Variants in OPCML observed in about 807,000 individuals in gnomAD.
The protein encoded by OPCML is opioid-binding protein/cell adhesion molecule.
In OPCML, 13 loss-of-function variants were observed where a neutral mutation model predicts 37.8. The ratio of observed to expected loss-of-function variants is 0.34; its 90% CI spans 0.22 to 0.55. The LOEUF (loss-of-function observed/expected upper bound fraction) is 0.55, where lower values mean the gene tolerates loss of function less well. Among genes scored for constraint, OPCML ranks in the 20% least tolerant of loss-of-function variants. The pLI, the probability that OPCML is intolerant of heterozygous loss-of-function variation, is 0.91. For synonymous variants in OPCML, 176 were observed against 168.8 expected (o/e 1.04, Z -0.33); for missense variants, 341 against 435.6 (o/e 0.78, Z 1.93).
intron 2 of OPCML, among the ~76,000 whole-genome samples, chr11:132,938,281 T>C (rs554966551): frequency 2.6e-5 from 4 of 151,656 alleles, no homozygotes; most frequent in African/African-American, 4.8e-5. Flanking sequence ...TAACCACACA[T>C]GAAAAAATAA....
intron 1 of OPCML, chr11:133,420,415 A>G (rs966917821): frequency 1.0e-6 from 1 of 985,308 alleles, no homozygotes; most frequent in African/African-American, 1.7e-5. Context: ...TGTTCAATGC[A>G]GTATATCAGT....
At chr11:132,938,061 G>A (rs1282512987) in intron 2 of OPCML, among the ~76,000 whole-genome samples, 2 of 151,864 alleles carry the variant, frequency 1.3e-5, no homozygotes, top group African/African-American at 4.8e-5. Flanking sequence ...GAATATCCCA[G>A]GATCATATTT....
intron 1 of OPCML, among the ~76,000 whole-genome samples, chr11:133,110,014 C>A (rs1163630111): frequency 6.6e-6 from 1 of 152,148 alleles, no homozygotes; most frequent in Non-Finnish European, 1.5e-5. Flanking sequence ...TTTTGTTCGA[C>A]AGGACTTGGG....
chr11:132,968,833 T>C (rs1215239744), intron 1 of OPCML, among the ~76,000 whole-genome samples: 2 of 152,134 alleles, frequency 1.3e-5, no homozygotes, highest in East Asian at 1.9e-4. Flanking sequence ...AGCAAACAGA[T>C]TTACTTCCTC....
At chr11:132,729,150 T>C (rs1944987181) in intron 2 of OPCML, among the ~76,000 whole-genome samples, 1 of 152,102 alleles carries the variant, frequency 6.6e-6, no homozygotes, top group African/African-American at 2.4e-5. Flanking sequence ...AAGATGAGAG[T>C]AAAAATGAAC....
intron 1 of OPCML, among the ~76,000 whole-genome samples, chr11:133,476,455 C>T (rs1369995127): frequency 6.6e-6 from 1 of 151,772 alleles, no homozygotes; most frequent in Non-Finnish European, 1.5e-5. Context: ...TGAAAATGGG[C>T]TCAATTGCAC....
chr11:133,471,878 C>T (rs1463794303), intron 1 of OPCML, among the ~76,000 whole-genome samples: 1 of 152,162 alleles, frequency 6.6e-6, no homozygotes, highest in Non-Finnish European at 1.5e-5. Flanking sequence ...GAAATGGTCC[C>T]TGGTCCCTGC....
chr11:132,841,860 C>CAAAAAAA, intron 2 of OPCML, among the ~76,000 whole-genome samples: 59 of 34,694 alleles, frequency 1.7e-3, no homozygotes, highest in Non-Finnish European at 2.0e-3. Flanking sequence ...CACTCTATCT[C>CAAAAAAA]AAAAAAAAAA....
intron 1 of OPCML, among the ~76,000 whole-genome samples, chr11:133,220,703 C>G (rs1369348523): frequency 6.6e-6 from 1 of 152,118 alleles, no homozygotes. Context: ...ACTAAATGCT[C>G]CCCCAAAAGT....
At chr11:132,622,060 T>C (rs573962976) in intron 3 of OPCML, among the ~76,000 whole-genome samples, 4 of 152,122 alleles carry the variant, frequency 2.6e-5, no homozygotes, top group Admixed American at 6.5e-5. Context: ...AGAACAAACA[T>C]TTAGGCCAAA....
At chr11:133,234,116 T>C (rs898799817) in intron 1 of OPCML, among the ~76,000 whole-genome samples, 5 of 152,246 alleles carry the variant, frequency 3.3e-5, no homozygotes, top group Admixed American at 2.6e-4. Flanking sequence ...AAGAGAGGGA[T>C]TAGAATAGAA....
chr11:132,516,994 CT>C (rs2137220440), intron 4 of OPCML, among the ~76,000 whole-genome samples: 1 of 152,234 alleles, frequency 6.6e-6, no homozygotes, highest in African/African-American at 2.4e-5. Flanking sequence ...TAATCAATGA[CT>C]CCAGGCCGCC....
intron 2 of OPCML, among the ~76,000 whole-genome samples, chr11:132,869,314 C>T (rs1294832241): frequency 1.3e-5 from 2 of 152,160 alleles, no homozygotes; most frequent in African/African-American, 4.8e-5. Flanking sequence ...AGCCCAAGGG[C>T]AAAGAGAGTT....
At chr11:132,831,194 A>C (rs2136278311) in intron 2 of OPCML, among the ~76,000 whole-genome samples, 1 of 152,322 alleles carries the variant, frequency 6.6e-6, no homozygotes, top group East Asian at 1.9e-4. Flanking sequence ...GATCCACATG[A>C]AATACAAGAG....
chr11:132,518,240 C>T lies in OPCML; in HGVS notation c.505+10821G>A, dbSNP rs181708856. Reference sequence around the variant, plus strand: ...CTCTCCCTCCCATTGCCCCCACCCCCGACAGGCCCCAGTGTGTGTTGTTCC... The same window carrying T: ...CTCTCCCTCCCATTGCCCCCACCCCTGACAGGCCCCAGTGTGTGTTGTTCC... On this transcript the variant is annotated intron_variant, in intron 4 of 7. Transcript: ENST00000524381. Among the ~76,000 whole-genome samples, 15 of 152,204 alleles carry T rather than the reference C, an allele frequency of 9.9e-5. No individual in the cohort carries two copies. In the East Asian group the frequency reaches 2.9e-3, roughly 29 times the overall value.
intron 1 of OPCML, among the ~76,000 whole-genome samples, chr11:133,050,071 T>C (rs1274981072): frequency 1.3e-5 from 2 of 152,208 alleles, no homozygotes; most frequent in Non-Finnish European, 2.9e-5. Flanking sequence ...TAAATGAGCT[T>C]AGCCCTTCCC....
chr11:133,380,941 A>G (rs1372057927), intron 1 of OPCML, among the ~76,000 whole-genome samples: 1 of 152,212 alleles, frequency 6.6e-6, no homozygotes, highest in African/African-American at 2.4e-5. Flanking sequence ...GGAGGTACGG[A>G]CCTAAGCTGT....
intron 1 of OPCML, among the ~76,000 whole-genome samples, chr11:133,497,573 G>A (rs963491412): frequency 2.2e-5 from 3 of 138,582 alleles, no homozygotes; most frequent in African/African-American, 9.6e-5. Context: ...CACCAGCACA[G>A]TGTGAAAGTG....
chr11:133,190,394 A>G (rs7480657), intron 1 of OPCML, among the ~76,000 whole-genome samples: 4 of 152,194 alleles, frequency 2.6e-5, no homozygotes, highest in Admixed American at 1.3e-4. Flanking sequence ...CATCACCATG[A>G]ATTCCTGTTG....
Sources: gnomAD v4.1 joint callset for allele counts (sites outside exome capture counted in the v4.1 genomes callset) on GRCh38, gnomAD v4.1.1 for gene constraint, MANE v1.5 for transcripts, NCBI Gene and HGNC (gene_info 2026-07-23, HGNC 2026-07-21) for gene names.